Variants in FGF14 observed in about 807,000 individuals in gnomAD.
The protein encoded by FGF14 is fibroblast growth factor homologous factor 4.
In FGF14, 5 loss-of-function variants were observed where a neutral mutation model predicts 25.5. That is an observed-to-expected ratio of 0.20 (90% CI 0.10 to 0.41). FGF14 has a LOEUF of 0.41. FGF14 is among the 10% of genes least tolerant of loss of function. The pLI is 1.00. For synonymous variants in FGF14, 138 were observed against 118.3 expected (o/e 1.17, Z -1.08); for missense variants, 222 against 320.1 (o/e 0.69, Z 2.34).
intron 1 of FGF14, among the ~76,000 whole-genome samples, chr13:101,892,822 A>G (rs2029954467): frequency 6.6e-6 from 1 of 152,214 alleles, no homozygotes; most frequent in African/African-American, 2.4e-5. Context: ...ATGAATCTCA[A>G]ATGTTATTTT....
chr13:102,203,420 T>C (rs2049761919), intron 1 of FGF14, among the ~76,000 whole-genome samples: 1 of 152,166 alleles, frequency 6.6e-6, no homozygotes, highest in Non-Finnish European at 1.5e-5. Flanking sequence ...AACTATTGCC[T>C]CTGGGGAGAG....
intron 1 of FGF14, among the ~76,000 whole-genome samples, chr13:102,149,446 C>G (rs1304812467): frequency 6.6e-6 from 1 of 152,124 alleles, no homozygotes; most frequent in Non-Finnish European, 1.5e-5. Flanking sequence ...GAGAGAGAGA[C>G]AGAGACTGAA....
chr13:102,179,468 C>T (rs2048579814), intron 1 of FGF14, among the ~76,000 whole-genome samples: 1 of 152,058 alleles, frequency 6.6e-6, no homozygotes, highest in East Asian at 1.9e-4. Context: ...TTAACAGATA[C>T]GTGCAGGAAC....
intron 3 of FGF14, among the ~76,000 whole-genome samples, chr13:101,816,626 T>C (rs1453586108): frequency 1.3e-5 from 2 of 152,180 alleles, no homozygotes; most frequent in Non-Finnish European, 2.9e-5. Context: ...CATCTTATCA[T>C]GACTTTTGCA....
intron 1 of FGF14, among the ~76,000 whole-genome samples, chr13:102,223,523 GT>G (rs1429334371): frequency 6.6e-6 from 1 of 152,110 alleles, no homozygotes; most frequent in African/African-American, 2.4e-5. Context: ...TGATATGATA[GT>G]TTTATTCTGC....
At chr13:101,892,450 C>A (rs1353717767) in intron 1 of FGF14, among the ~76,000 whole-genome samples, 1 of 152,164 alleles carries the variant, frequency 6.6e-6, no homozygotes, top group Non-Finnish European at 1.5e-5. Flanking sequence ...ATTCTTTTAA[C>A]AGCAGAGAGG....
chr13:101,929,091 C>T (rs752679872), intron 1 of FGF14, among the ~76,000 whole-genome samples: 1 of 152,186 alleles, frequency 6.6e-6, no homozygotes, highest in Non-Finnish European at 1.5e-5. Context: ...TAACTCTGCA[C>T]CACTGTACTT....
chr13:102,318,137 A>G (rs2056105096), intron 1 of FGF14, among the ~76,000 whole-genome samples: 1 of 152,198 alleles, frequency 6.6e-6, no homozygotes. Context: ...TTTCCCAAGT[A>G]TCTTGAAAGC....
intron 2 of FGF14, among the ~76,000 whole-genome samples, chr13:101,869,287 C>T (rs528517841): frequency 3.9e-5 from 6 of 152,136 alleles, no homozygotes; most frequent in South Asian, 2.1e-4. Context: ...AACTAAATGA[C>T]GGTGGTAGAA....
intron 1 of FGF14, among the ~76,000 whole-genome samples, chr13:101,963,929 G>T (rs1391543130): frequency 6.6e-6 from 1 of 152,144 alleles, no homozygotes; most frequent in East Asian, 1.9e-4. Flanking sequence ...CAGACAAGAG[G>T]AGTTGAAACA....
rs574069880 is a variant in FGF14, at chr13:101,779,513, T to C, written c.409-52703A>G. On this transcript the variant is annotated intron_variant, in intron 3 of 4. Coordinates refer to ENST00000376143, the MANE Select transcript of FGF14 (RefSeq NM_004115.4). ...AGAAATAAGAATTAAGGGGAAAATG[T>C]AATTTAGCAATATTTTTACATAAAA... Among the ~76,000 whole-genome samples the C allele has an allele frequency of 3.3e-3, 498 of 152,302 alleles. 4 individuals are homozygous for C. Among genetic ancestry groups the C allele is most frequent in the Non-Finnish European group, 5.5e-3 (374 of 68,026 alleles).
intron 1 of FGF14, among the ~76,000 whole-genome samples, chr13:101,995,813 T>A (rs948723933): frequency 6.6e-6 from 1 of 152,022 alleles, no homozygotes; most frequent in Non-Finnish European, 1.5e-5. Context: ...ATTAAAACAA[T>A]TGAACTCATG....
intron 1 of FGF14, among the ~76,000 whole-genome samples, chr13:102,217,210 A>G (rs1305101072): frequency 1.3e-5 from 2 of 152,206 alleles, no homozygotes; most frequent in Non-Finnish European, 2.9e-5. Context: ...TTAAAACTTT[A>G]TGAGCTAACC....
chr13:101,854,312 A>G (rs540672672), intron 3 of FGF14, among the ~76,000 whole-genome samples: 3 of 152,252 alleles, frequency 2.0e-5, no homozygotes, highest in South Asian at 2.1e-4. Context: ...CCCAAAGTAT[A>G]TAAGAGAATA....
chr13:102,316,657 C>A (rs897311512), intron 1 of FGF14, among the ~76,000 whole-genome samples: 6 of 152,058 alleles, frequency 3.9e-5, no homozygotes, highest in African/African-American at 1.4e-4. Context: ...TATATATATG[C>A]ATATAAAATA....
chr13:102,068,251 TAAA>T (rs2042985649), intron 1 of FGF14, among the ~76,000 whole-genome samples: 2 of 152,300 alleles, frequency 1.3e-5, no homozygotes, highest in South Asian at 4.1e-4. Context: ...TGAAGTATCT[TAAA>T]GAAGAAAAGC....
chr13:101,912,306 C>T (rs2033027924), intron 1 of FGF14, among the ~76,000 whole-genome samples: 2 of 152,140 alleles, frequency 1.3e-5, no homozygotes, highest in South Asian at 2.1e-4. Context: ...ATTAAGCATA[C>T]ATGGCACATA....
Position 102,012,840 on chromosome 13 carries a change from C to T in FGF14, c.209-137544G>A, listed in dbSNP as rs536224561. ...CCAGTACTGGCTCACATATGAAACCCGCCTCTTCTGGATGTCTGAGCCCCC... is the reference window on the plus strand; with the variant it reads ...CCAGTACTGGCTCACATATGAAACCTGCCTCTTCTGGATGTCTGAGCCCCC... On this transcript the variant is annotated intron_variant, in intron 1 of 4. Coordinates refer to the FGF14 transcript ENST00000376131. 1.5e-4 allele frequency among the ~76,000 whole-genome samples: 23 copies of T among 152,166 alleles called. No homozygotes were observed. In the South Asian group the frequency reaches 3.7e-3, roughly 25 times the overall value.
chr13:101,795,890 A>G (rs2040492425), intron 3 of FGF14, among the ~76,000 whole-genome samples: 1 of 152,112 alleles, frequency 6.6e-6, no homozygotes, highest in South Asian at 2.1e-4. Context: ...TAAGCATAGA[A>G]ATAGCTCTGT....
Sources: allele counts gnomAD v4.1 joint callset (sites outside exome capture counted in the v4.1 genomes callset), GRCh38; gene constraint gnomAD v4.1.1; transcripts MANE v1.5; gene names NCBI Gene and HGNC (gene_info 2026-07-23, HGNC 2026-07-21).